Variants in ZNF160 observed in about 807,000 individuals in gnomAD.
ZNF160 encodes the protein KRAB zinc finger protein KR18.
ZNF160 carries 9 observed loss-of-function variants against 13.1 expected under a neutral mutation model. The ratio of observed to expected loss-of-function variants is 0.69; its 90% CI spans 0.41 to 1.20. The LOEUF (loss-of-function observed/expected upper bound fraction) is 1.20. Ranked by LOEUF, ZNF160 falls within the 50% of genes most tolerant of loss-of-function variation. The probability of loss-of-function intolerance (pLI) is 0.01; values close to 1 mark genes in which losing one functional copy is unlikely to be tolerated. For synonymous variants in ZNF160, 293 were observed against 333.2 expected, an observed-to-expected ratio of 0.88 and a Z score of 1.31; for missense variants, 838 against 988.0, an observed-to-expected ratio of 0.85 and a Z score of 2.04.
chr19:53,083,625 C>T (rs2084718468), intron 3 of ZNF160, among the ~76,000 whole-genome samples: 1 of 152,198 alleles, frequency 6.6e-6, no homozygotes, highest in Admixed American at 6.5e-5. Context: ...CCAAGCCGGG[C>T]ACAATGGCTC....
Position 53,074,133 on chromosome 19 carries a change from C to T in ZNF160, c.271+7G>A. ...GTGGCCTTCTCTCTGCCCATCTGAG[C>T]TCTTACCTGTGACCACGCCTTTGAC... On this transcript the variant is annotated splice_region_variant and intron_variant, in intron 5 of 5. Transcript: ENST00000683776. 3 of 1,613,784 alleles carry T rather than the reference C, an allele frequency of 1.9e-6. No individual in the cohort carries two copies. The highest frequency in any genetic ancestry group is 2.5e-6 in the Non-Finnish European group (3 of 1,179,796).
rs73935233 is a variant in ZNF160, at chr19:53,090,228, C to A, written c.-46+1185G>T. ...ACTCCAAATTCCTCCTCCTCTCCCC[C>A]ACTCTCTGTCTGAGGAGCCTCCCCC... On this transcript the variant is annotated intron_variant, in intron 2 of 5. Transcript: ENST00000683776. 7.9e-3 allele frequency among the ~76,000 whole-genome samples: 1,209 copies of A among 152,188 alleles called. 14 individuals carry two copies. Among genetic ancestry groups the A allele is most frequent in the African/African-American group, 0.027 (1,113 of 41,490 alleles).
intron 3 of ZNF160, chr19:53,075,567 A>G: frequency 2.8e-6 from 1 of 353,478 alleles, no homozygotes; most frequent in Admixed American, 3.8e-5. Context: ...TTGATCACCA[A>G]TGCCAATAAT....
chr19:53,067,134 C>T lies in ZNF160; in HGVS notation c.*943G>A, dbSNP rs886150222. ...TTTTTCATCACTCTTTGCTAAACAA[C>T]AGGTATTGCTCTTTGATGCATAAGA... On this transcript the variant is annotated 3_prime_UTR_variant, in exon 6 of 6. Transcript: ENST00000683776. 2 of 152,172 alleles carry T rather than the reference C, an allele frequency of 1.3e-5. No homozygotes were observed. Among genetic ancestry groups the T allele is most frequent in the South Asian group, 4.1e-4 (2 of 4,830 alleles). The allele number at this position is 152,172 out of a possible 1,614,324, so 9.4% of individuals were successfully genotyped here. A position where few individuals can be genotyped will look rare whatever the true frequency, so the allele number is the denominator to read the frequency against.
chr19:53,088,437 T>G (rs1183034058), intron 2 of ZNF160, among the ~76,000 whole-genome samples: 1 of 139,864 alleles, frequency 7.1e-6, no homozygotes, highest in Non-Finnish European at 1.6e-5. Flanking sequence ...CTTTGGGAGG[T>G]TGAGGTGGAA....
At chr19:53,094,591 T>A (rs777856018) in intron 1 of ZNF160, among the ~76,000 whole-genome samples, 1 of 152,180 alleles carries the variant, frequency 6.6e-6, no homozygotes, top group Non-Finnish European at 1.5e-5. Flanking sequence ...AGTTTTTCAC[T>A]TAAATCGTTT....
At chr19:53,095,077 C>T (rs1188178471) in intron 1 of ZNF160, among the ~76,000 whole-genome samples, 1 of 126,556 alleles carries the variant, frequency 7.9e-6, no homozygotes, top group Non-Finnish European at 1.7e-5. Context: ...CCCGCCCCCA[C>T]GGTAGTCCCA....
intron 5 of ZNF160, 149 bp downstream of exon 5, chr19:53,073,991 T>C (rs528073871): frequency 1.4e-5 from 10 of 715,206 alleles, no homozygotes; most frequent in African/African-American, 1.1e-4. Context: ...GGTTTCACAA[T>C]GTTGGTCAGG....
chr19:53,097,918 T>C (rs949293070), intron 1 of ZNF160, among the ~76,000 whole-genome samples: 1 of 152,180 alleles, frequency 6.6e-6, no homozygotes, highest in Non-Finnish European at 1.5e-5. Context: ...AAGGCGCCCA[T>C]CCTCCTGCTG....
intron 5 of ZNF160, 109 bp from the exon 6 acceptor site, chr19:53,070,371 T>C: frequency 8.6e-7 from 1 of 1,167,652 alleles, no homozygotes; most frequent in Non-Finnish European, 1.1e-6. Context: ...TGAACAGACT[T>C]TGGAACTTCA....
At chr19:53,092,225 CT>C (rs1175714992) in intron 1 of ZNF160, among the ~76,000 whole-genome samples, 1 of 152,068 alleles carries the variant, frequency 6.6e-6, no homozygotes, top group Admixed American at 6.6e-5. Flanking sequence ...GAAAAAAAGC[CT>C]GTAAAATCAT....
intron 1 of ZNF160, among the ~76,000 whole-genome samples, chr19:53,102,310 T>C (rs755017068): frequency 1.3e-5 from 2 of 152,120 alleles, no homozygotes; most frequent in Non-Finnish European, 2.9e-5. Context: ...CCCCACTCTC[T>C]GGCACTCCCA....
intron 5 of ZNF160, among the ~76,000 whole-genome samples, chr19:53,073,782 CTTTA>C (rs149525641): frequency 3.3e-5 from 5 of 151,742 alleles, no homozygotes; most frequent in Admixed American, 1.3e-4. Context: ...GAGTTTCCCA[CTTTA>C]TTTATTTATT....
At chr19:53,080,287 C>T (rs938259535) in intron 3 of ZNF160, among the ~76,000 whole-genome samples, 3 of 152,102 alleles carry the variant, frequency 2.0e-5, no homozygotes, top group African/African-American at 7.2e-5. Context: ...TTAATAGAGA[C>T]TGGGTTTCTC....
At chr19:53,093,205 C>T (rs1048890936) in intron 1 of ZNF160, among the ~76,000 whole-genome samples, 3 of 152,118 alleles carry the variant, frequency 2.0e-5, no homozygotes, top group African/African-American at 7.2e-5. Context: ...TTTGGGAGGC[C>T]GAGGCAGGTG....
chr19:53,074,044 C>A lies in ZNF160; in HGVS notation c.271+96G>T. On this transcript the variant is annotated intron_variant, in intron 5 of 5. Transcript: ENST00000683776. ...ACCTCAAGTGATCTGCCCACCTTGG[C>A]CTCCCTAAGTGTTGAGATTACAGGC... is the stretch of plus-strand genomic sequence containing the variant. The A allele has an allele frequency of 2.4e-6, 3 of 1,247,124 alleles. 1 individual carries two copies. The South Asian group carries it at 4.1e-5, about 17-fold the overall frequency. 77.3% of individuals were successfully genotyped at this position (1,247,124 alleles called of 1,614,324 possible).
At chr19:53,076,369 G>C (rs192230629) in intron 3 of ZNF160, among the ~76,000 whole-genome samples, 1 of 152,214 alleles carries the variant, frequency 6.6e-6, no homozygotes. Context: ...GGCCGGGCGT[G>C]GCGGCTCATG....
At chr19:53,076,953 A>C (rs1046993293) in intron 3 of ZNF160, 1 of 152,178 alleles carries the variant, frequency 6.6e-6, no homozygotes, top group Non-Finnish European at 1.5e-5. Context: ...CACAAGGCTC[A>C]TAACGTTCTG....
In ZNF160 at chr19:53,080,555, C is replaced by T. The variant is rs915531144; in HGVS notation, c.16-5372G>A. Among the ~76,000 whole-genome samples, 63 of 136,640 alleles carry T rather than the reference C, an allele frequency of 4.6e-4. 1 individual carries two copies. The highest frequency in any genetic ancestry group is 3.1e-5 in the Non-Finnish European group (2 of 63,782). The allele number at this position is 136,640 out of a possible 152,430, so 89.6% of individuals were successfully genotyped here. Reference sequence around the variant, plus strand: ...TCTCTATGAGGAGAACTACAAAATACCAGTGAAAGAAATCAGACAACACGA... The same window carrying T: ...TCTCTATGAGGAGAACTACAAAATATCAGTGAAAGAAATCAGACAACACGA... On this transcript the variant is annotated intron_variant, in intron 3 of 5. Coordinates refer to ENST00000683776, the MANE Select transcript of ZNF160 (RefSeq NM_001322131.2).
Sources: allele counts gnomAD v4.1 joint callset (sites outside exome capture counted in the v4.1 genomes callset), GRCh38; gene constraint gnomAD v4.1.1; transcripts MANE v1.5; gene names NCBI Gene and HGNC (gene_info 2026-07-23, HGNC 2026-07-21).